Variants in RARB observed in about 807,000 individuals in gnomAD.
RARB encodes the protein retinoic acid receptor beta.
Under a neutral mutation model 51.9 loss-of-function variants are expected in RARB, and 17 were observed. The ratio of observed to expected loss-of-function variants is 0.33; its 90% CI spans 0.22 to 0.49. The LOEUF (loss-of-function observed/expected upper bound fraction) is 0.49. Among genes scored for constraint, RARB ranks in the 20% least tolerant of loss-of-function variants. The pLI is 0.99. For missense variants in RARB, 369 were observed against 550.8 expected (o/e 0.67, Z 3.30); for synonymous variants, 215 against 195.4 (o/e 1.10, Z -0.84).
intron 3 of RARB, among the ~76,000 whole-genome samples, chr3:25,096,572 T>G (rs1179626549): frequency 6.6e-6 from 1 of 152,178 alleles, no homozygotes; most frequent in Non-Finnish European, 1.5e-5. Context: ...GACTCTGACA[T>G]CATTTGACGT....
chr3:25,006,692 T>C (rs911416240), intron 2 of RARB, among the ~76,000 whole-genome samples: 12 of 152,224 alleles, frequency 7.9e-5, no homozygotes, highest in Admixed American at 1.3e-4. Context: ...TTGTTATAAA[T>C]CACAGGCAAT....
intron 5 of RARB, among the ~76,000 whole-genome samples, chr3:25,349,739 G>A (rs1449069352): frequency 1.3e-5 from 2 of 152,136 alleles, no homozygotes; most frequent in African/African-American, 2.4e-5. Context: ...GAAATTGAAA[G>A]TCATTTTTTT....
intron 2 of RARB, among the ~76,000 whole-genome samples, chr3:24,885,013 G>C (rs990050062): frequency 6.6e-6 from 1 of 152,134 alleles, no homozygotes; most frequent in African/African-American, 2.4e-5. Flanking sequence ...GACTCCAGGC[G>C]AAGAATATTA....
intron 2 of RARB, among the ~76,000 whole-genome samples, chr3:25,016,979 C>T (rs1040496007): frequency 6.6e-6 from 1 of 152,066 alleles, no homozygotes; most frequent in Non-Finnish European, 1.5e-5. Context: ...TCCAACCTGG[C>T]CTTAGAAGAC....
At position 24,847,135 on chromosome 3, in the gene RARB, C is replaced by T. The variant is rs531297517; in HGVS notation, c.-458-11539C>T. On this transcript the variant is annotated intron_variant, in intron 1 of 11. Transcript: ENST00000383772. ...GTTTTGGATGCTGCTAATCTGGGACCACACCGAATCAGGTAGTCTGAGGGT... is the reference window on the plus strand; with the variant it reads ...GTTTTGGATGCTGCTAATCTGGGACTACACCGAATCAGGTAGTCTGAGGGT... Among the ~76,000 whole-genome samples the T allele has an allele frequency of 1.1e-4, 16 of 152,320 alleles. No individual in the cohort carries two copies. In the Middle Eastern group the frequency reaches 0.014, roughly 130 times the overall value.
At chr3:25,380,414 C>T (rs1008208067) in intron 5 of RARB, among the ~76,000 whole-genome samples, 4 of 152,188 alleles carry the variant, frequency 2.6e-5, no homozygotes, top group African/African-American at 7.2e-5. Context: ...AGCAAACAGC[C>T]TTAACTCAGG....
At chr3:24,978,187 A>C (rs1696561304) in intron 2 of RARB, among the ~76,000 whole-genome samples, 1 of 151,946 alleles carries the variant, frequency 6.6e-6, no homozygotes, top group Non-Finnish European at 1.5e-5. Flanking sequence ...ATCAATGTTC[A>C]ACAGGGATAT....
chr3:24,999,723 C>A (rs529882482), intron 2 of RARB, among the ~76,000 whole-genome samples: 1 of 152,256 alleles, frequency 6.6e-6, no homozygotes, highest in South Asian at 2.1e-4. Context: ...AGACTTAATT[C>A]TTCCCTGTAG....
chr3:24,902,773 A>G (rs1003922044), intron 2 of RARB, among the ~76,000 whole-genome samples: 1 of 152,194 alleles, frequency 6.6e-6, no homozygotes, highest in Admixed American at 6.6e-5. Flanking sequence ...GGTAAAAATG[A>G]GTCTAATTTG....
At position 25,262,002 on chromosome 3, in the gene RARB, T is replaced by C. The variant is rs761349730; in HGVS notation, c.178+87427T>C. On this transcript the variant is annotated intron_variant, in intron 5 of 11. Coordinates refer to the RARB transcript ENST00000383772. ...AACATGCAATGATGTTTTCAAAACATAAACCTGACACTGTTACTCTCTGGA... is the reference window on the plus strand; with the variant it reads ...AACATGCAATGATGTTTTCAAAACACAAACCTGACACTGTTACTCTCTGGA... 5.4e-4 allele frequency among the ~76,000 whole-genome samples: 82 copies of C among 152,182 alleles called. 1 individual carries two copies. The highest frequency in any genetic ancestry group is 6.6e-5 in the Admixed American group (1 of 15,264).
chr3:25,120,298 T>G (rs1193035362), intron 3 of RARB, among the ~76,000 whole-genome samples: 2 of 152,060 alleles, frequency 1.3e-5, no homozygotes, highest in Non-Finnish European at 2.9e-5. Context: ...AACTGGAGAT[T>G]ACATACTCCT....
chr3:25,375,805 C>G (rs1395857096), intron 5 of RARB, among the ~76,000 whole-genome samples: 1 of 152,086 alleles, frequency 6.6e-6, no homozygotes, highest in African/African-American at 2.4e-5. Flanking sequence ...TTGTGGGCAG[C>G]CACAATCAGC....
At chr3:25,195,733 G>A (rs1169414645) in intron 5 of RARB, among the ~76,000 whole-genome samples, 1 of 151,914 alleles carries the variant, frequency 6.6e-6, no homozygotes, top group Non-Finnish European at 1.5e-5. Context: ...GAATGAAAAG[G>A]GAAGTTAAGT....
At chr3:25,005,284 A>G (rs942046828) in intron 2 of RARB, among the ~76,000 whole-genome samples, 4 of 152,132 alleles carry the variant, frequency 2.6e-5, no homozygotes, top group South Asian at 2.1e-4. Flanking sequence ...ACCAATACGT[A>G]GTGCTCTAAA....
intron 2 of RARB, among the ~76,000 whole-genome samples, chr3:25,003,953 G>A (rs1280125478): frequency 6.6e-6 from 1 of 152,142 alleles, no homozygotes; most frequent in Admixed American, 6.6e-5. Context: ...CCTCATCAGA[G>A]CATGCAGGTC....
intron 5 of RARB, among the ~76,000 whole-genome samples, chr3:25,369,562 A>G (rs1403746090): frequency 1.3e-5 from 2 of 152,184 alleles, no homozygotes; most frequent in East Asian, 1.9e-4. Flanking sequence ...TATTCCAGAG[A>G]TTTCACTCCT....
Position 24,924,631 on chromosome 3 carries a change from A to T in RARB, c.-380+65879A>T, listed in dbSNP as rs73137231. ...AGTCAGTATATAAAGCTACATGACA[A>T]TTGTGTCATATGTAATACTATTGAT... On this transcript the variant is annotated intron_variant, in intron 2 of 11. Transcript: ENST00000383772. 9.9e-5 allele frequency among the ~76,000 whole-genome samples: 15 copies of T among 152,278 alleles called. No homozygotes were observed. In the East Asian group the frequency reaches 2.1e-3, roughly 22 times the overall value.
intron 2 of RARB, among the ~76,000 whole-genome samples, chr3:24,938,187 G>A (rs539163041): frequency 2.4e-4 from 37 of 152,254 alleles, no homozygotes; most frequent in African/African-American, 8.7e-4. Flanking sequence ...TAGCCTTTCA[G>A]GTGTTAAGTT....
intron 5 of RARB, among the ~76,000 whole-genome samples, chr3:25,316,375 A>G (rs78086418): frequency 1.3e-3 from 203 of 152,296 alleles, no homozygotes; most frequent in East Asian, 0.011. Flanking sequence ...AAATACATGC[A>G]ATAAGGCCAA....
Sources: gnomAD v4.1 joint callset for allele counts (sites outside exome capture counted in the v4.1 genomes callset) on GRCh38, gnomAD v4.1.1 for gene constraint, MANE v1.5 for transcripts, NCBI Gene and HGNC (gene_info 2026-07-23, HGNC 2026-07-21) for gene names.